SATB2: variants seen among roughly 807,000 people sequenced by gnomAD.
The protein encoded by SATB2 is SATB homeobox 2.
In SATB2, 1 loss-of-function variant was observed where a neutral mutation model predicts 73.4. The observed-to-expected ratio is 0.01, with a 90% CI of 0.00 to 0.06. SATB2 has a LOEUF of 0.06. Ranked by LOEUF, SATB2 falls within the 10% of genes least tolerant of loss-of-function variation. The pLI is 1.00. For missense variants in SATB2, 459 were observed against 945.8 expected (o/e 0.49, Z 6.75); for synonymous variants, 397 against 367.0 (o/e 1.08, Z -0.93).
chr2:199,395,559 C>T (rs1690275575), intron 3 of SATB2, among the ~76,000 whole-genome samples: 1 of 152,078 alleles, frequency 6.6e-6, no homozygotes, highest in African/African-American at 2.4e-5. Flanking sequence ...GTGTCTGACA[C>T]TTAGTAGACA....
chr2:199,466,038 A>T (rs939542297), upstream of SATB2, among the ~76,000 whole-genome samples: 6 of 152,288 alleles, frequency 3.9e-5, no homozygotes, highest in South Asian at 1.2e-3. Context: ...TAGCTAGAAA[A>T]GTGGTGGGCT....
intron 5 of SATB2, among the ~76,000 whole-genome samples, chr2:199,369,607 A>G (rs1689383505): frequency 6.6e-6 from 1 of 152,158 alleles, no homozygotes; most frequent in Admixed American, 6.6e-5. Context: ...AAACAACTCA[A>G]GAGATCCAAA....
At chr2:199,400,468 C>G (rs1397587145) in intron 3 of SATB2, among the ~76,000 whole-genome samples, 2 of 152,166 alleles carry the variant, frequency 1.3e-5, no homozygotes, top group Non-Finnish European at 2.9e-5. Flanking sequence ...GTGCCATCAA[C>G]ACATTTATAC....
chr2:199,368,490 C>G, intron 6 of SATB2, 115 bp downstream of exon 6: 1 of 710,918 alleles, frequency 1.4e-6, no homozygotes. Flanking sequence ...AAGATCTCAC[C>G]TTTGTAAAAA....
chr2:199,368,288 G>T (rs1689346369), intron 6 of SATB2, among the ~76,000 whole-genome samples: 2 of 152,114 alleles, frequency 1.3e-5, no homozygotes, highest in African/African-American at 4.8e-5. Context: ...CTGTTAATCA[G>T]TACCCAAACT....
chr2:199,283,921 G>T (rs567235291), intron 10 of SATB2, among the ~76,000 whole-genome samples: 18 of 152,280 alleles, frequency 1.2e-4, no homozygotes, highest in African/African-American at 4.3e-4. Context: ...GTCATTGTTG[G>T]ACTTGAAAGC....
intron 3 of SATB2, among the ~76,000 whole-genome samples, chr2:199,400,375 A>T (rs887359599): frequency 6.6e-6 from 1 of 152,174 alleles, no homozygotes; most frequent in Non-Finnish European, 1.5e-5. Context: ...ATATGATACC[A>T]ATTCTTTTAT....
rs377436529 is a variant in SATB2, at chr2:199,416,984, G to A, written c.346+16354C>T. 2.7e-3 allele frequency among the ~76,000 whole-genome samples: 403 copies of A among 151,546 alleles called. 3 individuals are homozygous for A. Among genetic ancestry groups the A allele is most frequent in the African/African-American group, 9.1e-3 (376 of 41,284 alleles). ...CCGGGAGGCGGAGCTTGCAGTGAGC[G>A]GAGATCACGCCACTGCACTCCGGCC... On this transcript the variant is annotated intron_variant, in intron 3 of 10. Coordinates refer to ENST00000417098, the MANE Select transcript of SATB2 (RefSeq NM_001172509.2).
intron 10 of SATB2, among the ~76,000 whole-genome samples, chr2:199,287,377 T>C (rs1692720872): frequency 1.3e-5 from 2 of 152,140 alleles, no homozygotes; most frequent in Admixed American, 1.3e-4. Context: ...ATAGATACAT[T>C]TAATAAGAAG....
intron 5 of SATB2, among the ~76,000 whole-genome samples, chr2:199,376,240 A>T (rs1321112890): frequency 6.6e-6 from 1 of 152,240 alleles, no homozygotes; most frequent in African/African-American, 2.4e-5. Context: ...CCCCTGTTTA[A>T]CCGAAATGTG....
At chr2:199,301,176 T>C (rs1162654951) in intron 10 of SATB2, among the ~76,000 whole-genome samples, 1 of 151,966 alleles carries the variant, frequency 6.6e-6, no homozygotes, top group Non-Finnish European at 1.5e-5. Flanking sequence ...AAAGCTGCAA[T>C]AGAATAAAAA....
intron 6 of SATB2, among the ~76,000 whole-genome samples, chr2:199,353,030 G>GA (rs1228114265): frequency 6.9e-6 from 1 of 144,966 alleles, no homozygotes; most frequent in Non-Finnish European, 1.5e-5. Context: ...AATGAAAAAA[G>GA]AAAAAAAATT....
rs1687504731 is a variant in SATB2, at chr2:199,308,604, T to C, written c.1740+156A>G. On this transcript the variant is annotated intron_variant, in intron 10 of 10. Coordinates refer to ENST00000417098, the MANE Select transcript of SATB2 (RefSeq NM_001172509.2). This position sits in a 1 kb window ranked among gnomAD's most constrained non-coding sequence, Gnocchi z 4.6. ...CACACACACATACACATACACACAG[T>C]ACCCACTGTGACGACAGCGTCTTCT... Among the ~76,000 whole-genome samples the C allele has an allele frequency of 6.6e-6, 1 of 151,838 alleles. No homozygotes were observed. Among genetic ancestry groups the C allele is most frequent in the Non-Finnish European group, 1.5e-5 (1 of 67,960 alleles).
chr2:199,453,423 C>T (rs1157297954), intron 2 of SATB2, among the ~76,000 whole-genome samples: 1 of 151,788 alleles, frequency 6.6e-6, no homozygotes, highest in Non-Finnish European at 1.5e-5. Flanking sequence ...GCTATAAATA[C>T]TTGTGTAGTT....
chr2:199,299,109 T>G (rs1246237797), intron 10 of SATB2, among the ~76,000 whole-genome samples: 2 of 152,178 alleles, frequency 1.3e-5, no homozygotes, highest in Non-Finnish European at 2.9e-5. Context: ...GGTTGCTAAC[T>G]TGGAGAAGTC....
At chr2:199,415,872 G>A (rs1690963066) in intron 3 of SATB2, among the ~76,000 whole-genome samples, 1 of 152,174 alleles carries the variant, frequency 6.6e-6, no homozygotes, top group Non-Finnish European at 1.5e-5. Flanking sequence ...GTATCCTCCA[G>A]GGCCAGTAAC....
At position 199,464,235 on chromosome 2, in the gene SATB2, C is replaced by G. The variant is rs1692544853; in HGVS notation, c.-141+601G>C. ...CGGCGACTCGGGCTCAGTTCTCCCC[C>G]ACCCCGTGGTGCCTTCCCTCCCCGC... On this transcript the variant is annotated intron_variant, in intron 1 of 11. Transcript: ENST00000260926. This position sits in a 1 kb window ranked among gnomAD's most constrained non-coding sequence, Gnocchi z 6.6. 6.6e-6 allele frequency among the ~76,000 whole-genome samples: 1 copy of G among 152,208 alleles called. No homozygotes were observed. Among genetic ancestry groups the G allele is most frequent in the African/African-American group, 2.4e-5 (1 of 41,472 alleles).
chr2:199,421,639 G>A (rs1691173390), intron 3 of SATB2, among the ~76,000 whole-genome samples: 1 of 152,152 alleles, frequency 6.6e-6, no homozygotes, highest in Non-Finnish European at 1.5e-5. Flanking sequence ...ACAATACTGC[G>A]TGTATGTTTT....
At chr2:199,427,786 C>T (rs1272727303) in intron 3 of SATB2, among the ~76,000 whole-genome samples, 1 of 152,028 alleles carries the variant, frequency 6.6e-6, no homozygotes, top group Non-Finnish European at 1.5e-5. Context: ...ATTTCAAACA[C>T]TGAACAATTT....
Sources: allele counts gnomAD v4.1 joint callset (sites outside exome capture counted in the v4.1 genomes callset), GRCh38; gene constraint gnomAD v4.1.1; non-coding constraint Gnocchi (gnomAD v3.1); transcripts MANE v1.5; gene names NCBI Gene and HGNC (gene_info 2026-07-23, HGNC 2026-07-21).